The following ATP6V1C2 variants were observed in gnomAD, a reference collection of about 807,000 sequenced individuals.
ATP6V1C2 encodes the protein V-type proton ATPase subunit C 2.
In ATP6V1C2, 45 loss-of-function variants were observed where a neutral mutation model predicts 56.8. The ratio of observed to expected loss-of-function variants is 0.79; its 90% CI spans 0.62 to 1.02. The LOEUF is 1.02. Among genes scored for constraint, ATP6V1C2 ranks in the 50% least tolerant of loss-of-function variants. The pLI is 0.00. For missense variants in ATP6V1C2, 463 were observed against 519.7 expected (o/e 0.89, Z 1.06); for synonymous variants, 220 against 201.3 (o/e 1.09, Z -0.79).
At chr2:10,779,701 A>C (rs1253125338) in intron 12 of ATP6V1C2, among the ~76,000 whole-genome samples, 6 of 150,366 alleles carry the variant, frequency 4.0e-5, no homozygotes, top group Non-Finnish European at 8.9e-5. Flanking sequence ...AAAAAAAAAA[A>C]AAAAAACTTC....
intron 4 of ATP6V1C2, among the ~76,000 whole-genome samples, chr2:10,759,924 C>A (rs1439254989): frequency 6.6e-6 from 1 of 152,112 alleles, no homozygotes; most frequent in African/African-American, 2.4e-5. Context: ...GGTTCAAAAG[C>A]CCTAGTTCCT....
At chr2:10,779,635 G>A (rs1377891549) in intron 12 of ATP6V1C2, among the ~76,000 whole-genome samples, 1 of 142,790 alleles carries the variant, frequency 7.0e-6, no homozygotes, top group African/African-American at 2.6e-5. Context: ...GCAGTGAGCC[G>A]AGATCGCGTC....
intron 10 of ATP6V1C2, among the ~76,000 whole-genome samples, chr2:10,775,821 C>A (rs576683747): frequency 1.3e-5 from 2 of 152,226 alleles, no homozygotes; most frequent in South Asian, 4.2e-4. Flanking sequence ...TTTTTGGGAC[C>A]CTTCTTCCTC....
chr2:10,738,842 C>G (rs1267876290), intron 3 of ATP6V1C2, among the ~76,000 whole-genome samples: 2 of 152,204 alleles, frequency 1.3e-5, no homozygotes, highest in African/African-American at 4.8e-5. Context: ...CACCAGCTCC[C>G]TGTCCAGCCC....
chr2:10,750,207 A>G (rs1425442621), intron 3 of ATP6V1C2, among the ~76,000 whole-genome samples: 1 of 152,194 alleles, frequency 6.6e-6, no homozygotes, highest in East Asian at 1.9e-4. Flanking sequence ...AAGGGCCACA[A>G]TTCTATGTAG....
Position 10,739,875 on chromosome 2 carries a change from G to A in ATP6V1C2, c.197+13306G>A, listed in dbSNP as rs371369767. Reference sequence around the variant, plus strand: ...AGCAGTTTAGGAGGCCGAGGCGGGCGGATCACTTGAGGTTAGGAGTTCAAG... The same window carrying A: ...AGCAGTTTAGGAGGCCGAGGCGGGCAGATCACTTGAGGTTAGGAGTTCAAG... On this transcript the variant is annotated intron_variant, in intron 3 of 13. Transcript: ENST00000272238. Among the ~76,000 whole-genome samples, 42 of 152,118 alleles carry A rather than the reference G, an allele frequency of 2.8e-4. No individual in the cohort carries two copies. The South Asian group carries it at 7.7e-3, about 28-fold the overall frequency.
At position 10,784,903 on chromosome 2, in the gene ATP6V1C2, T is replaced by G; in HGVS notation, c.*1640T>G. 3 of 1,454,410 alleles carry G rather than the reference T, an allele frequency of 2.1e-6. No individual in the cohort carries two copies. In the South Asian group the frequency reaches 3.6e-5, roughly 18 times the overall value. The allele number at this position is 1,454,410 out of a possible 1,614,324, so 90.1% of individuals were successfully genotyped here. A position where few individuals can be genotyped will look rare whatever the true frequency, so the allele number is the denominator to read the frequency against. On this transcript the variant is annotated 3_prime_UTR_variant, in exon 14 of 14. Coordinates refer to ENST00000272238, the MANE Select transcript of ATP6V1C2 (RefSeq NM_001039362.2). The stretch of plus-strand genomic sequence containing the variant: ...GCTCAAGAGAGTAAACCAGGACTGC[T>G]GCCCGCACAGCTTCCCTCCCGGGCA...
chr2:10,739,808 CTT>C (rs1662447107), intron 3 of ATP6V1C2, among the ~76,000 whole-genome samples: 2 of 151,902 alleles, frequency 1.3e-5, no homozygotes, highest in African/African-American at 4.8e-5. Context: ...TTAAATAAAA[CTT>C]TACCAATGGT....
intron 3 of ATP6V1C2, among the ~76,000 whole-genome samples, chr2:10,753,211 C>T (rs376762514): frequency 9.2e-5 from 14 of 152,294 alleles, no homozygotes; most frequent in African/African-American, 3.4e-4. Context: ...AACACTTTCA[C>T]GTCGTCATAG....
chr2:10,767,710 G>A (rs900066530), intron 5 of ATP6V1C2, among the ~76,000 whole-genome samples: 1 of 151,966 alleles, frequency 6.6e-6, no homozygotes, highest in African/African-American at 2.4e-5. Flanking sequence ...TGCCCGCCTC[G>A]GCCTCCCAAA....
Position 10,771,842 on chromosome 2 carries a change from G to A in ATP6V1C2, c.474G>A (p.Gly158=). Residue 158 remains glycine, a synonymous_variant, in exon 7 of 14, where the codon GGG becomes GGA. Transcript: ENST00000272238. The part of the protein sequence containing the change: ...NLENLEKKSM[G]NLFTRTLSDI... ...CTTTGTTCCACCTGCCTTTTAGGGG[G>A]AACCTCTTCACCCGGACACTGAGTG... 6.2e-7 allele frequency: 1 copy of A among 1,613,694 alleles called. No homozygotes were observed. Among genetic ancestry groups the A allele is most frequent in the Non-Finnish European group, 8.5e-7 (1 of 1,179,650 alleles).
chr2:10,764,515 C>A, intron 5 of ATP6V1C2, 90 bp downstream of exon 5: 1 of 1,092,718 alleles, frequency 9.2e-7, no homozygotes, highest in Non-Finnish European at 1.4e-6. Context: ...CAGCCTCAGC[C>A]TGTCCTGACT....
At chr2:10,768,932 A>G in intron 6 of ATP6V1C2, 122 bp downstream of exon 6, 1 of 770,460 alleles carries the variant, frequency 1.3e-6, no homozygotes, top group Non-Finnish European at 2.2e-6. Flanking sequence ...AGACAGACAG[A>G]CAGGTGGAGG....
chr2:10,778,660 CCGTGCTCAGGTG>C lies in ATP6V1C2; in HGVS notation c.1057_1061+7del. 6.2e-7 allele frequency: 1 copy of C among 1,614,144 alleles called. No homozygotes were observed. Among genetic ancestry groups the C allele is most frequent in the Non-Finnish European group, 8.5e-7 (1 of 1,179,996 alleles). ...AAGGCCCTGAGAGTGTTTGTGGAGT[CCGTGCTCAGGTG>C]CGTGGCAGTGATGCCCCGGCTGGGA... On this transcript the variant is annotated splice_donor_variant and splice_donor_region_variant and coding_sequence_variant and intron_variant, in exon 12 of 14. Transcript: ENST00000272238. LOFTEE classifies it high-confidence loss of function.
intron 10 of ATP6V1C2, among the ~76,000 whole-genome samples, chr2:10,776,265 A>ATG (rs1474141588): frequency 9.6e-6 from 1 of 104,278 alleles, no homozygotes; most frequent in Non-Finnish European, 2.1e-5. Flanking sequence ...GCGCTCACAC[A>ATG]CGTGTGTGTG....
In ATP6V1C2 at chr2:10,775,050, G is replaced by C. The variant is rs1664873688; in HGVS notation, c.804G>C (p.Leu268=). Residue 268 remains leucine, a synonymous_variant, in exon 10 of 14, where the codon CTG becomes CTC. Coordinates refer to ENST00000272238, the MANE Select transcript of ATP6V1C2 (RefSeq NM_001039362.2). ...EREREEMARL[L]SDKKQQYQTS... is the part of the protein sequence containing the mutation. The stretch of plus-strand genomic sequence containing the variant: ...AAAGGGAGGAGATGGCCAGATTGCT[G>C]TCTGATAAGAAGCAACAGTATGTGA... 1 of 1,613,874 alleles carries C rather than the reference G, an allele frequency of 6.2e-7. No individual in the cohort carries two copies. The highest frequency in any genetic ancestry group is 1.3e-5 in the African/African-American group (1 of 75,056).
chr2:10,754,120 C>A, intron 4 of ATP6V1C2, 54 bp downstream of exon 4: 2 of 1,473,850 alleles, frequency 1.4e-6, no homozygotes, highest in Non-Finnish European at 1.9e-6. Flanking sequence ...CCCTCTAGAC[C>A]AGAGTCGTCC....
chr2:10,777,217 C>T (rs1665050896), intron 10 of ATP6V1C2, among the ~76,000 whole-genome samples: 1 of 152,240 alleles, frequency 6.6e-6, no homozygotes, highest in Admixed American at 6.5e-5. Flanking sequence ...ATGGTGGAGC[C>T]ACCTTGACAG....
At chr2:10,756,069 T>C (rs1663536697) in intron 4 of ATP6V1C2, among the ~76,000 whole-genome samples, 2 of 152,102 alleles carry the variant, frequency 1.3e-5, no homozygotes, top group African/African-American at 2.4e-5. Context: ...GAGTAGAGAT[T>C]ATACTGGGCC....
Sources: gnomAD v4.1 joint callset for allele counts (sites outside exome capture counted in the v4.1 genomes callset) on GRCh38, gnomAD v4.1.1 for gene constraint, MANE v1.5 for transcripts, NCBI Gene and HGNC (gene_info 2026-07-23, HGNC 2026-07-21) for gene names.